The following PIK3C2G variants were observed in gnomAD, a reference collection of about 807,000 sequenced individuals.
PIK3C2G encodes the protein phosphatidylinositol-4-phosphate 3-kinase catalytic subunit type 2 gamma, also known as phosphatidylinositol 3-kinase C2 domain-containing subunit gamma.
A neutral mutation model predicts 181.1 loss-of-function variants in PIK3C2G; 168 were observed. That is an observed-to-expected ratio of 0.93 (90% confidence interval 0.82 to 1.05). The LOEUF (loss-of-function observed/expected upper bound fraction) is 1.05, where lower values mean the gene tolerates loss of function less well. Among genes scored for constraint, PIK3C2G ranks in the 50% least tolerant of loss-of-function variants. The pLI is 0.00. For synonymous variants in PIK3C2G, 573 were observed against 592.2 expected (o/e 0.97, Z 0.47); for missense variants, 1,869 against 1,732.8 (o/e 1.08, Z -1.40).
chr12:18,589,830 A>G lies in PIK3C2G; in HGVS notation c.4012-4664A>G, dbSNP rs990482234. On this transcript the variant is annotated intron_variant, in intron 29 of 32. Transcript: ENST00000538779. Reference sequence around the variant, plus strand: ...GCTCCATTTTCATCTTTCTTAAAACAAACAGGATTGTAATGCTTTTCTTCT... The same window carrying G: ...GCTCCATTTTCATCTTTCTTAAAACGAACAGGATTGTAATGCTTTTCTTCT... Among the ~76,000 whole-genome samples the G allele has an allele frequency of 2.0e-5, 3 of 151,998 alleles. No individual in the cohort carries two copies. In the East Asian group the frequency reaches 5.8e-4, roughly 29 times the overall value.
chr12:18,712,986 A>C, the PIK3C2G span: 5 of 1,613,934 alleles, frequency 3.1e-6, no homozygotes, highest in Non-Finnish European at 4.2e-6. Context: ...TCACAAGGGC[A>C]CTAGCAAAAT....
chr12:18,555,292 G>A (rs1165684287), intron 26 of PIK3C2G, among the ~76,000 whole-genome samples: 1 of 152,116 alleles, frequency 6.6e-6, no homozygotes, highest in African/African-American at 2.4e-5. Flanking sequence ...TTAGTCTGAT[G>A]TAGCTCATAA....
chr12:18,492,647 T>C (rs900151745), intron 20 of PIK3C2G, among the ~76,000 whole-genome samples: 18 of 152,222 alleles, frequency 1.2e-4, no homozygotes, highest in African/African-American at 4.3e-4. Context: ...TGTACCTTAA[T>C]GTAGAAAGAA....
At chr12:18,563,068 A>G (rs550955223) in intron 27 of PIK3C2G, among the ~76,000 whole-genome samples, 176 bp downstream of exon 27, 1 of 152,316 alleles carries the variant, frequency 6.6e-6, no homozygotes, top group African/African-American at 2.4e-5. Flanking sequence ...AATCATAACA[A>G]CAAGACTATG....
At chr12:18,291,287 T>A (rs1216908733) in intron 4 of PIK3C2G, among the ~76,000 whole-genome samples, 2 of 152,222 alleles carry the variant, frequency 1.3e-5, no homozygotes, top group South Asian at 4.1e-4. Flanking sequence ...GTTTTTAATA[T>A]ATTAAAAAAT....
chr12:18,494,250 A>G (rs1338620696), intron 20 of PIK3C2G, among the ~76,000 whole-genome samples: 1 of 151,608 alleles, frequency 6.6e-6, no homozygotes, highest in African/African-American at 2.4e-5. Context: ...TATCTAGAAA[A>G]CCCTTGCTTC....
In PIK3C2G at chr12:18,497,659, T is replaced by G. The variant is rs757819469; in HGVS notation, c.2927T>G (p.Leu976Arg). ...DLRQDMLVLQ[L>R]IQVMDNIWLQ... Reference sequence around the variant, plus strand: ...CGTCAGGATATGCTTGTTCTGCAGCTTATTCAAGTGATGGACAATATTTGG... The same window carrying G: ...CGTCAGGATATGCTTGTTCTGCAGCGTATTCAAGTGATGGACAATATTTGG... Residue 976 changes from leucine (L) to arginine (R), a missense_variant, in exon 22 of 33, where the codon CTT (leucine) becomes CGT (arginine). By Grantham distance (102) the Leu-to-Arg change is moderately radical (BLOSUM62 -2). Transcript: ENST00000538779. 3.1e-6 allele frequency: 5 copies of G among 1,612,632 alleles called. No individual in the cohort carries two copies. Among genetic ancestry groups the G allele is most frequent in the Non-Finnish European group, 4.2e-6 (5 of 1,178,806 alleles).
chr12:18,542,699 A>C (rs1445570934), intron 25 of PIK3C2G, among the ~76,000 whole-genome samples: 1 of 151,784 alleles, frequency 6.6e-6, no homozygotes, highest in Non-Finnish European at 1.5e-5. Context: ...TAAGGATAAT[A>C]GCCTCCAGCT....
intron 11 of PIK3C2G, among the ~76,000 whole-genome samples, chr12:18,360,251 C>T (rs1465025159): frequency 6.6e-6 from 1 of 152,022 alleles, no homozygotes; most frequent in Non-Finnish European, 1.5e-5. Context: ...AAAATTCAAT[C>T]ACATACGAAA....
intron 20 of PIK3C2G, among the ~76,000 whole-genome samples, chr12:18,495,425 TA>T (rs1332582191): frequency 6.6e-6 from 1 of 152,068 alleles, no homozygotes; most frequent in African/African-American, 2.4e-5. Context: ...CTGCTATTTA[TA>T]AAAAACAAGA....
At chr12:18,372,403 T>C (rs950029086) in intron 13 of PIK3C2G, 4 of 152,208 alleles carry the variant, frequency 2.6e-5, no homozygotes, top group Non-Finnish European at 1.5e-5. Flanking sequence ...ACAGTCCCTA[T>C]ATAGGAGATA....
At chr12:18,589,637 T>G (rs1946969161) in intron 29 of PIK3C2G, among the ~76,000 whole-genome samples, 1 of 151,882 alleles carries the variant, frequency 6.6e-6, no homozygotes, top group Admixed American at 6.6e-5. Flanking sequence ...CCCACCTTCT[T>G]CTGGGACAAG....
chr12:18,616,826 A>C (rs2136641674), intron 31 of PIK3C2G, among the ~76,000 whole-genome samples: 1 of 152,290 alleles, frequency 6.6e-6, no homozygotes, highest in African/African-American at 2.4e-5. Flanking sequence ...TTGTTTTATA[A>C]AATTGTTTTA....
intron 8 of PIK3C2G, among the ~76,000 whole-genome samples, chr12:18,336,800 CT>C (rs1463125441): frequency 6.6e-6 from 1 of 152,028 alleles, no homozygotes; most frequent in Non-Finnish European, 1.5e-5. Context: ...CTCACTTTGT[CT>C]TTTATAGTAT....
chr12:18,684,344 A>C, the PIK3C2G span: 5 of 1,477,412 alleles, frequency 3.4e-6, no homozygotes, highest in Non-Finnish European at 4.6e-6. Context: ...AATAGATTAC[A>C]TTTGTTCTCC....
chr12:18,488,501 C>A lies in PIK3C2G; in HGVS notation c.2557C>A (p.Leu853Ile). 6.4e-7 allele frequency: 1 copy of A among 1,564,736 alleles called. No homozygotes were observed. Among genetic ancestry groups the A allele is most frequent in the South Asian group, 1.2e-5 (1 of 83,210 alleles). ...TTATTTTAAAAGCTGGTATCAGAAGCTACTAGCTGCTCTCCAATTCTGTGC... is the reference window on the plus strand; with the variant it reads ...TTATTTTAAAAGCTGGTATCAGAAGATACTAGCTGCTCTCCAATTCTGTGC... ...EAYFKSWYQK[L>I]LAALQFCAGK... Residue 853 changes from leucine (L) to isoleucine (I), a missense_variant, in exon 19 of 33, where the codon CTA (leucine) becomes ATA (isoleucine). Leu to Ile is a conservative substitution (Grantham distance 5, BLOSUM62 2). Coordinates refer to ENST00000538779, the MANE Select transcript of PIK3C2G (RefSeq NM_001288772.2).
At chr12:18,447,407 G>T (rs1331999033) in intron 18 of PIK3C2G, among the ~76,000 whole-genome samples, 2 of 152,152 alleles carry the variant, frequency 1.3e-5, no homozygotes, top group Non-Finnish European at 2.9e-5. Context: ...ACTTAAGAAT[G>T]ATTTTTGCAT....
chr12:18,667,156 C>G, the PIK3C2G span, among the ~76,000 whole-genome samples: 1 of 152,178 alleles, frequency 6.6e-6, no homozygotes, highest in Non-Finnish European at 1.5e-5. Flanking sequence ...CAAATAAGGT[C>G]TCATGATGAG....
upstream of PIK3C2G, among the ~76,000 whole-genome samples, chr12:18,245,655 G>A (rs1054855877): frequency 2.0e-4 from 31 of 151,946 alleles, no homozygotes; most frequent in African/African-American, 7.0e-4. Context: ...GTTGCTAGTC[G>A]TTATACATTC....
Sources: gnomAD v4.1 joint callset for allele counts (sites outside exome capture counted in the v4.1 genomes callset) on GRCh38, gnomAD v4.1.1 for gene constraint, MANE v1.5 for transcripts, NCBI Gene and HGNC (gene_info 2026-07-23, HGNC 2026-07-21) for gene names.